The following TTC29 variants were observed in gnomAD, a reference collection of about 807,000 sequenced individuals.
TTC29 encodes tetratricopeptide repeat protein 29.
In TTC29, 49 loss-of-function variants were observed where a neutral mutation model predicts 58.1. That is an observed-to-expected ratio of 0.84 (90% CI 0.67 to 1.07). The LOEUF (loss-of-function observed/expected upper bound fraction) is 1.07, where lower values mean the gene tolerates loss of function less well. Among genes scored for constraint, TTC29 ranks in the 50% least tolerant of loss-of-function variants. The pLI is 0.00. For synonymous variants in TTC29, 209 were observed against 196.8 expected (o/e 1.06, Z -0.52); for missense variants, 582 against 555.6 (o/e 1.05, Z -0.48).
intron 11 of TTC29, among the ~76,000 whole-genome samples, chr4:146,801,255 G>A (rs181169751): frequency 2.3e-3 from 354 of 152,186 alleles, no homozygotes; most frequent in Non-Finnish European, 4.0e-3. Context: ...AGAATTTCAC[G>A]TCTTTTGAAC....
chr4:146,845,324 A>G (rs1201153928), intron 8 of TTC29, among the ~76,000 whole-genome samples: 1 of 152,154 alleles, frequency 6.6e-6, no homozygotes, highest in Non-Finnish European at 1.5e-5. Flanking sequence ...CAAGAGAAAT[A>G]GGCCAGTAGA....
At chr4:146,836,615 T>C (rs1279163882) in intron 8 of TTC29, among the ~76,000 whole-genome samples, 1 of 152,098 alleles carries the variant, frequency 6.6e-6, no homozygotes, top group Non-Finnish European at 1.5e-5. Context: ...AACATGATAC[T>C]ACAAATTCTG....
At chr4:146,753,140 G>A (rs973041785) in intron 11 of TTC29, among the ~76,000 whole-genome samples, 7 of 152,238 alleles carry the variant, frequency 4.6e-5, no homozygotes, top group African/African-American at 1.4e-4. Flanking sequence ...GAAAATTTTT[G>A]CAACCTACTC....
intron 11 of TTC29, among the ~76,000 whole-genome samples, chr4:146,793,430 A>C (rs1561130213): frequency 6.6e-6 from 1 of 152,294 alleles, no homozygotes; most frequent in East Asian, 1.9e-4. Context: ...TCAGATGACA[A>C]TTAGCATTTT....
chr4:146,773,611 T>C (rs996849845), intron 11 of TTC29, among the ~76,000 whole-genome samples: 3 of 152,106 alleles, frequency 2.0e-5, no homozygotes, highest in South Asian at 2.1e-4. Flanking sequence ...TAGATTAGTT[T>C]GGTGATATAC....
chr4:146,782,836 T>C (rs993143162), intron 11 of TTC29, among the ~76,000 whole-genome samples: 1 of 152,002 alleles, frequency 6.6e-6, no homozygotes, highest in Non-Finnish European at 1.5e-5. Flanking sequence ...AGGCAAGGAA[T>C]ATTATTTTAT....
intron 11 of TTC29, among the ~76,000 whole-genome samples, chr4:146,724,772 C>T (rs1743650319): frequency 6.6e-6 from 1 of 152,140 alleles, no homozygotes; most frequent in African/African-American, 2.4e-5. Flanking sequence ...CCTCGGCCTC[C>T]CAAAGTGCTG....
intron 11 of TTC29, among the ~76,000 whole-genome samples, chr4:146,725,154 A>AT (rs1401567000): frequency 2.0e-5 from 3 of 152,124 alleles, no homozygotes; most frequent in Admixed American, 6.5e-5. Flanking sequence ...AACCAAACAT[A>AT]TTTTTCCTGG....
chr4:146,859,700 A>C (rs1046290823), intron 8 of TTC29, among the ~76,000 whole-genome samples: 1 of 152,122 alleles, frequency 6.6e-6, no homozygotes, highest in East Asian at 1.9e-4. Context: ...AGGAGTGATA[A>C]CCACATAGAA....
intron 11 of TTC29, among the ~76,000 whole-genome samples, chr4:146,797,367 G>A (rs1331240414): frequency 1.3e-5 from 2 of 152,142 alleles, no homozygotes; most frequent in African/African-American, 2.4e-5. Context: ...TTGCACAGAT[G>A]CAGATTTCAA....
At chr4:146,888,441 A>C (rs1257940808) in intron 6 of TTC29, among the ~76,000 whole-genome samples, 2 of 152,140 alleles carry the variant, frequency 1.3e-5, no homozygotes, top group Non-Finnish European at 2.9e-5. Flanking sequence ...GGTCTGCCTG[A>C]GGTCATTCAC....
chr4:146,798,846 C>G lies in TTC29; in HGVS notation c.1330+4611G>C, dbSNP rs1041511804. Among the ~76,000 whole-genome samples, 3 of 137,102 alleles carry G rather than the reference C, an allele frequency of 2.2e-5. No individual in the cohort carries two copies. The Admixed American group carries it at 2.4e-4, about 11-fold the overall frequency. The allele number at this position is 137,102 out of a possible 152,430, so 89.9% of individuals were successfully genotyped here. A position where few individuals can be genotyped will look rare whatever the true frequency, so the allele number is the denominator to read the frequency against. On this transcript the variant is annotated intron_variant, in intron 11 of 12. Transcript: ENST00000325106. ...AGCTTGTAATGAGCCGAGATTGCAC[C>G]GCTGCACTCTAGCCTGGGTGACAGA...
intron 11 of TTC29, among the ~76,000 whole-genome samples, chr4:146,770,215 A>C (rs948460788): frequency 6.6e-6 from 1 of 151,924 alleles, no homozygotes; most frequent in Admixed American, 6.6e-5. Flanking sequence ...AAAAACTAAC[A>C]GTGGAGTCTG....
chr4:146,763,572 G>A (rs1490148173), intron 11 of TTC29, among the ~76,000 whole-genome samples: 1 of 152,068 alleles, frequency 6.6e-6, no homozygotes, highest in African/African-American at 2.4e-5. Context: ...TTGAATTTAG[G>A]TTAGTGCTCT....
chr4:146,899,904 T>C (rs1733026399), intron 6 of TTC29, among the ~76,000 whole-genome samples: 1 of 152,184 alleles, frequency 6.6e-6, no homozygotes, highest in Admixed American at 6.5e-5. Context: ...GGAATCAGGA[T>C]GCTGCCACCT....
At chr4:146,770,568 T>C (rs2150073484) in intron 11 of TTC29, among the ~76,000 whole-genome samples, 1 of 152,054 alleles carries the variant, frequency 6.6e-6, no homozygotes, top group South Asian at 2.1e-4. Flanking sequence ...CTTTAGGAAG[T>C]TCAAAATTAA....
chr4:146,814,405 A>G (rs1169663288), intron 10 of TTC29, among the ~76,000 whole-genome samples: 1 of 145,118 alleles, frequency 6.9e-6, no homozygotes, highest in Non-Finnish European at 1.5e-5. Context: ...AACACGACAA[A>G]ACCCTGCTTC....
At chr4:146,894,123 G>T (rs1272720636) in intron 6 of TTC29, among the ~76,000 whole-genome samples, 1 of 152,148 alleles carries the variant, frequency 6.6e-6, no homozygotes, top group Admixed American at 6.6e-5. Context: ...TCAATATGGC[G>T]ATTCCTCAGG....
chr4:146,835,597 A>G (rs926122500), intron 8 of TTC29, among the ~76,000 whole-genome samples: 2 of 152,114 alleles, frequency 1.3e-5, no homozygotes, highest in Admixed American at 1.3e-4. Flanking sequence ...TAGGATCTTA[A>G]GTAGATGAGA....
Sources: gnomAD v4.1 joint callset for allele counts (sites outside exome capture counted in the v4.1 genomes callset) on GRCh38, gnomAD v4.1.1 for gene constraint, MANE v1.5 for transcripts, NCBI Gene and HGNC (gene_info 2026-07-23, HGNC 2026-07-21) for gene names.